Variants in ULK4 observed in about 807,000 individuals in gnomAD.
ULK4 encodes inactive serine/threonine-protein kinase ULK4.
A neutral mutation model predicts 160.6 loss-of-function variants in ULK4; 133 were observed. The ratio of observed to expected loss-of-function variants is 0.83; its 90% CI spans 0.72 to 0.96. The LOEUF (loss-of-function observed/expected upper bound fraction) is 0.96, where lower values mean the gene tolerates loss of function less well. Among genes scored for constraint, ULK4 ranks in the 40% least tolerant of loss-of-function variants. The pLI is 0.00. For missense variants in ULK4, 1,580 were observed against 1,499.5 expected (o/e 1.05, Z -0.89); for synonymous variants, 534 against 539.8 (o/e 0.99, Z 0.15).
intron 35 of ULK4, among the ~76,000 whole-genome samples, chr3:41,365,548 A>C (rs1388131572): frequency 6.6e-6 from 1 of 152,238 alleles, no homozygotes; most frequent in Non-Finnish European, 1.5e-5. Flanking sequence ...GCACATGCTA[A>C]GCACTTTGCT....
intron 35 of ULK4, among the ~76,000 whole-genome samples, chr3:41,328,554 C>T (rs564184202): frequency 2.0e-5 from 3 of 152,234 alleles, no homozygotes; most frequent in Admixed American, 6.5e-5. Context: ...ATTAATTCTA[C>T]GTGATGCCAG....
intron 30 of ULK4, among the ~76,000 whole-genome samples, chr3:41,641,922 C>T (rs2034218897): frequency 6.8e-6 from 1 of 147,406 alleles, no homozygotes; most frequent in South Asian, 2.1e-4. Flanking sequence ...GCTGCCCAGG[C>T]TGGAGTGCAA....
chr3:41,370,943 C>T (rs1406701811), intron 35 of ULK4, among the ~76,000 whole-genome samples: 1 of 152,164 alleles, frequency 6.6e-6, no homozygotes, highest in Non-Finnish European at 1.5e-5. Context: ...ATCCTGGATG[C>T]TCGAGCTTGG....
chr3:41,749,639 A>G (rs1335512939), intron 22 of ULK4, among the ~76,000 whole-genome samples: 3 of 152,178 alleles, frequency 2.0e-5, no homozygotes, highest in Non-Finnish European at 2.9e-5. Context: ...TCAACTTATG[A>G]TGGGTTTATT....
At chr3:41,617,998 T>C (rs796962557) in intron 30 of ULK4, among the ~76,000 whole-genome samples, 12 of 152,138 alleles carry the variant, frequency 7.9e-5, no homozygotes, top group African/African-American at 2.2e-4. Context: ...AATAGCTGAA[T>C]AGATCAAGTG....
At chr3:41,958,057 A>AC (rs1172017753) in intron 1 of ULK4, among the ~76,000 whole-genome samples, 54 of 151,886 alleles carry the variant, frequency 3.6e-4, no homozygotes, top group African/African-American at 1.3e-3. Context: ...AAAAAAAAAA[A>AC]AAAACCTTGT....
intron 19 of ULK4, among the ~76,000 whole-genome samples, chr3:41,809,094 A>G (rs1310266553): frequency 1.3e-5 from 2 of 150,582 alleles, no homozygotes; most frequent in Non-Finnish European, 2.9e-5. Context: ...TGAACCCAGG[A>G]GGCTGAGGTT....
intron 32 of ULK4, among the ~76,000 whole-genome samples, chr3:41,512,615 A>G (rs1007272186): frequency 1.3e-5 from 2 of 152,262 alleles, no homozygotes; most frequent in African/African-American, 4.8e-5. Context: ...CTGCTGAAAG[A>G]AATAATAGAC....
intron 22 of ULK4, among the ~76,000 whole-genome samples, chr3:41,721,525 G>A (rs940126613): frequency 2.7e-5 from 4 of 150,174 alleles, no homozygotes; most frequent in East Asian, 3.9e-4. Context: ...CTGCCACCAC[G>A]CACAGCTAAT....
chr3:41,706,954 G>A (rs942379025), intron 25 of ULK4, among the ~76,000 whole-genome samples: 1 of 147,202 alleles, frequency 6.8e-6, no homozygotes, highest in Admixed American at 6.8e-5. Context: ...ACATAGGTAT[G>A]TATTTTGTGT....
At position 41,911,406 on chromosome 3, in the gene ULK4, T is replaced by C. The variant is rs76270875; in HGVS notation, c.1016-20A>G. The C allele has an allele frequency of 0.013, 20,301 of 1,613,498 alleles. 153 individuals are homozygous for C. The highest frequency in any genetic ancestry group is 0.016 in the Non-Finnish European group (18,450 of 1,179,512). On this transcript the variant is annotated intron_variant, in intron 10 of 36. Transcript: ENST00000301831. The stretch of plus-strand genomic sequence containing the variant: ...GATTTTCTGTAGCAGGAAAGTAATA[T>C]GTTATCCAGAAAAGAACAAAAATAT...
chr3:41,921,924 C>T (rs957201197), intron 5 of ULK4, among the ~76,000 whole-genome samples: 1 of 152,096 alleles, frequency 6.6e-6, no homozygotes, highest in Non-Finnish European at 1.5e-5. Flanking sequence ...GAGGCCGAGG[C>T]AGGCGGATCA....
intron 32 of ULK4, among the ~76,000 whole-genome samples, chr3:41,554,837 TA>T (rs1226596884): frequency 6.6e-6 from 1 of 152,056 alleles, no homozygotes; most frequent in Non-Finnish European, 1.5e-5. Flanking sequence ...TATGCATCAA[TA>T]AAAATACATT....
At chr3:41,661,081 T>C (rs983436794) in intron 30 of ULK4, among the ~76,000 whole-genome samples, 1 of 152,196 alleles carries the variant, frequency 6.6e-6, no homozygotes, top group Non-Finnish European at 1.5e-5. Context: ...AGTTTTTCTC[T>C]AGAACAAATC....
intron 35 of ULK4, among the ~76,000 whole-genome samples, chr3:41,360,139 T>C (rs969716108): frequency 3.3e-5 from 5 of 152,062 alleles, no homozygotes; most frequent in Non-Finnish European, 7.4e-5. Context: ...AAAGAAGGCA[T>C]ATATACAGCC....
At chr3:41,937,137 T>A in intron 3 of ULK4, 1 of 445,592 alleles carries the variant, frequency 2.2e-6, no homozygotes, top group Non-Finnish European at 4.0e-6. Context: ...TGAATTACTA[T>A]GATGAAGGGA....
At chr3:41,961,550 ACCCCCCCCC>A (rs201424516) in intron 1 of ULK4, among the ~76,000 whole-genome samples, 9 of 124,692 alleles carry the variant, frequency 7.2e-5, no homozygotes, top group African/African-American at 3.0e-4. Flanking sequence ...GTAGTCACTC[ACCCCCCCCC>A]CCCCCCCCCC....
At chr3:41,554,420 G>T (rs1194581357) in intron 32 of ULK4, among the ~76,000 whole-genome samples, 1 of 152,152 alleles carries the variant, frequency 6.6e-6, no homozygotes, top group African/African-American at 2.4e-5. Flanking sequence ...GATGGAGGTG[G>T]AAGTCACCAT....
intron 22 of ULK4, among the ~76,000 whole-genome samples, chr3:41,737,607 C>T (rs926985216): frequency 6.6e-6 from 1 of 151,784 alleles, no homozygotes; most frequent in Non-Finnish European, 1.5e-5. Flanking sequence ...CTATCTAAGT[C>T]CATTTTTATC....
Sources: allele counts gnomAD v4.1 joint callset (sites outside exome capture counted in the v4.1 genomes callset), GRCh38; gene constraint gnomAD v4.1.1; transcripts MANE v1.5; gene names NCBI Gene and HGNC (gene_info 2026-07-23, HGNC 2026-07-21).